Variants in PCDHA9 observed in about 807,000 individuals in gnomAD.
PCDHA9 encodes protocadherin alpha-9.
In PCDHA9, 62 loss-of-function variants were observed where a neutral mutation model predicts 62.0. The ratio of observed to expected loss-of-function variants is 1.00; its 90% CI spans 0.81 to 1.23. The LOEUF (loss-of-function observed/expected upper bound fraction) is 1.23. Ranked by LOEUF, PCDHA9 falls within the 50% of genes most tolerant of loss-of-function variation. The pLI, the probability that PCDHA9 is intolerant of heterozygous loss-of-function variation, is 0.00. For synonymous variants in PCDHA9, 557 were observed against 567.6 expected (o/e 0.98, Z 0.27); for missense variants, 1,205 against 1,249.8 (o/e 0.96, Z 0.54).
At chr5:140,860,642 GAAGAT>G (rs144102428) in intron 1 of PCDHA9, 5 of 152,352 alleles carry the variant, frequency 3.3e-5, no homozygotes, top group African/African-American at 1.2e-4. Context: ...CAGGAACGAA[GAAGAT>G]AAGTGAAATA....
chr5:140,907,344 C>T (rs548533041), intron 1 of PCDHA9, among the ~76,000 whole-genome samples: 111 of 152,276 alleles, frequency 7.3e-4, no homozygotes, highest in Non-Finnish European at 1.2e-3. Flanking sequence ...TGCATGAGCC[C>T]GCTGCTGCAC....
rs2150463121 is a variant in PCDHA9, at chr5:140,850,006, T to G, written c.1511T>G (p.Leu504Arg). ...GAGCGGCGGTTGGGCGAGCGCTCGC[T>G]GTCGAGCTACGTGTCAGTGCACGCG... Reference protein sequence around the residue: ...LVERRLGERSLSSYVSVHAES... With the variant: ...LVERRLGERSRSSYVSVHAES... Residue 504 changes from leucine (L) to arginine (R), a missense_variant, in exon 1 of 4, where the codon CTG becomes CGG. This residue lies in a region of PCDHA9 where 887 missense variants were observed against 809.5 expected (regional missense o/e 1.10). Coordinates refer to ENST00000532602, the MANE Select transcript of PCDHA9 (RefSeq NM_031857.2). 1 of 1,596,968 alleles carries G rather than the reference T, an allele frequency of 6.3e-7. No homozygotes were observed. Among genetic ancestry groups the G allele is most frequent in the Non-Finnish European group, 8.6e-7 (1 of 1,167,840 alleles).
rs2150411782 is a variant in PCDHA9 at position 140,848,517 on chromosome 5, G to T, written c.22G>T (p.Asp8Tyr). 2.4e-5 allele frequency: 38 copies of T among 1,592,614 alleles called. 5 individuals carry two copies. The highest frequency in any genetic ancestry group is 3.3e-4 in the Middle Eastern group (2 of 5,984). Residue 8 changes from aspartate (D) to tyrosine (Y), a missense_variant, in exon 1 of 4, where the codon GAT becomes TAT. Coordinates refer to ENST00000532602, the MANE Select transcript of PCDHA9 (RefSeq NM_031857.2). MLYSSRG[D>Y]PEGQPLLLSL... ...TGAAATGTTATACTCAAGTCGAGGAGATCCAGAGGGTCAGCCTCTACTGCT... is the reference window on the plus strand; with the variant it reads ...TGAAATGTTATACTCAAGTCGAGGATATCCAGAGGGTCAGCCTCTACTGCT...
At chr5:140,875,905 T>A (rs1554168057) in intron 1 of PCDHA9, 1 of 1,614,222 alleles carries the variant, frequency 6.2e-7, no homozygotes, top group Admixed American at 1.7e-5. Flanking sequence ...TGTTTCTGAA[T>A]CTGCGCCTCT....
chr5:140,889,388 A>C (rs1554183883), intron 1 of PCDHA9, among the ~76,000 whole-genome samples: 1 of 152,070 alleles, frequency 6.6e-6, no homozygotes, highest in African/African-American at 2.4e-5. Context: ...AGGACCATTC[A>C]GAGTTTAATT....
At chr5:140,917,875 T>TC (rs1459321723) in intron 1 of PCDHA9, among the ~76,000 whole-genome samples, 11 of 152,026 alleles carry the variant, frequency 7.2e-5, no homozygotes, top group Non-Finnish European at 7.4e-5. Context: ...CTATTTGGGC[T>TC]CTTTTTTTTT....
intron 1 of PCDHA9, among the ~76,000 whole-genome samples, chr5:140,908,581 G>A (rs2074042639): frequency 6.6e-6 from 1 of 152,178 alleles, no homozygotes; most frequent in Non-Finnish European, 1.5e-5. Context: ...AAGGAGAGTA[G>A]TTAGCTGCAG....
intron 1 of PCDHA9, among the ~76,000 whole-genome samples, chr5:140,956,131 C>A (rs2095258276): frequency 6.6e-6 from 1 of 152,096 alleles, no homozygotes; most frequent in African/African-American, 2.4e-5. Flanking sequence ...TATTTGAATA[C>A]CCTTTATTTC....
At position 140,968,456 on chromosome 5, in the gene PCDHA9, A is replaced by G. The variant is rs782476018; in HGVS notation, c.2395-10493A>G. ...GAGCCCACCACTGAGCAGCACTGTG[A>G]CTGCCAACGTATATGTGGTGGACAT... On this transcript the variant is annotated intron_variant, in intron 1 of 3. Transcript: ENST00000532602. 82 of 1,613,964 alleles carry G rather than the reference A, an allele frequency of 5.1e-5. No individual in the cohort carries two copies. Among genetic ancestry groups the G allele is most frequent in the Non-Finnish European group, 6.2e-5 (73 of 1,180,022 alleles).
At chr5:140,887,906 T>C (rs2061622663) in intron 1 of PCDHA9, among the ~76,000 whole-genome samples, 1 of 152,198 alleles carries the variant, frequency 6.6e-6, no homozygotes, top group Admixed American at 6.5e-5. Context: ...TCCTAAACAG[T>C]GTATTCTTCA....
chr5:140,991,981 T>TACC (rs1311484629), intron 3 of PCDHA9, among the ~76,000 whole-genome samples: 8 of 152,126 alleles, frequency 5.3e-5, no homozygotes, highest in Admixed American at 2.0e-4. Flanking sequence ...TTATTCTGCC[T>TACC]ACCACCCGGT....
intron 1 of PCDHA9, among the ~76,000 whole-genome samples, chr5:140,894,069 T>C (rs1209752630): frequency 2.6e-5 from 4 of 152,196 alleles, no homozygotes; most frequent in African/African-American, 9.6e-5. Flanking sequence ...TTTAAATACA[T>C]TTATTTTATT....
At position 140,892,381 on chromosome 5, in the gene PCDHA9, G is replaced by A. The variant is rs534818455; in HGVS notation, c.2394+41492G>A. Among the ~76,000 whole-genome samples the A allele has an allele frequency of 2.6e-5, 4 of 152,070 alleles. No individual in the cohort carries two copies. The South Asian group carries it at 8.3e-4, about 32-fold the overall frequency. On this transcript the variant is annotated intron_variant, in intron 1 of 3. Coordinates refer to ENST00000532602, the MANE Select transcript of PCDHA9 (RefSeq NM_031857.2). ...GCATCTTGGGGCACTAGCAATCATG[G>A]GTAATCTTAATCTATTTCAAGCTTC...
chr5:140,966,161 CT>C, intron 1 of PCDHA9: 1 of 175,442 alleles, frequency 5.7e-6, no homozygotes. Context: ...GCTTGGAGAT[CT>C]TTTCCTGGGG....
intron 1 of PCDHA9, chr5:140,860,787 G>A (rs1038488180): frequency 5.9e-5 from 9 of 152,154 alleles, no homozygotes; most frequent in African/African-American, 2.2e-4. Flanking sequence ...GCCCAGGCTG[G>A]AGTGCAGTGG....
At chr5:140,866,033 A>T (rs934159305) in intron 1 of PCDHA9, 9 of 152,168 alleles carry the variant, frequency 5.9e-5, no homozygotes, top group African/African-American at 2.2e-4. Flanking sequence ...GTTCGTGATC[A>T]TCATTATCAT....
chr5:140,969,998 G>A (rs1345371434), intron 1 of PCDHA9, among the ~76,000 whole-genome samples: 2 of 152,220 alleles, frequency 1.3e-5, no homozygotes, highest in Non-Finnish European at 2.9e-5. Flanking sequence ...GGCTGTCAGA[G>A]GGAGTGGATG....
chr5:140,854,428 A>G (rs1402946580), intron 1 of PCDHA9: 1 of 151,142 alleles, frequency 6.6e-6, no homozygotes, highest in Non-Finnish European at 1.5e-5. Context: ...TAAAATCAGA[A>G]TTTGAATGAA....
At chr5:140,935,894 CTTT>C (rs55841305) in intron 1 of PCDHA9, among the ~76,000 whole-genome samples, 2 of 136,728 alleles carry the variant, frequency 1.5e-5, no homozygotes, top group African/African-American at 2.7e-5. Context: ...TCAATATTAT[CTTT>C]TTTTTTTTTT....
Sources: gnomAD v4.1 joint callset for allele counts (sites outside exome capture counted in the v4.1 genomes callset) on GRCh38, gnomAD v4.1.1 for gene constraint, gnomAD v4.1.1 regional missense constraint, MANE v1.5 for transcripts, NCBI Gene and HGNC (gene_info 2026-07-23, HGNC 2026-07-21) for gene names.